AGBL4: variants seen among roughly 807,000 people sequenced by gnomAD.
AGBL4 encodes the protein AGBL carboxypeptidase 4.
AGBL4 carries 58 observed loss-of-function variants against 66.4 expected under a neutral mutation model. The ratio of observed to expected loss-of-function variants is 0.87; its 90% CI spans 0.71 to 1.09. The LOEUF (loss-of-function observed/expected upper bound fraction) is 1.09. Ranked by LOEUF, AGBL4 falls within the 50% of genes least tolerant of loss-of-function variation. AGBL4 has a pLI of 0.00. For synonymous variants in AGBL4, 234 were observed against 222.9 expected (o/e 1.05, Z -0.44); for missense variants, 579 against 631.0 (o/e 0.92, Z 0.88).
chr1:48,541,509 C>T (rs1453781146), intron 11 of AGBL4, among the ~76,000 whole-genome samples: 2 of 152,240 alleles, frequency 1.3e-5, no homozygotes, highest in Non-Finnish European at 1.5e-5. Context: ...CAGTGGCTCA[C>T]GCCTGTAATC....
At chr1:49,111,349 T>C (rs946256581) in intron 4 of AGBL4, among the ~76,000 whole-genome samples, 15 of 152,204 alleles carry the variant, frequency 9.9e-5, no homozygotes, top group Non-Finnish European at 2.9e-5. Flanking sequence ...CCTGACCTCC[T>C]GATCCGCCCG....
chr1:48,656,423 G>A (rs538063472), intron 7 of AGBL4, among the ~76,000 whole-genome samples: 1 of 152,152 alleles, frequency 6.6e-6, no homozygotes, highest in Admixed American at 6.5e-5. Context: ...ACATTCATTG[G>A]CACACCAAAT....
intron 5 of AGBL4, among the ~76,000 whole-genome samples, chr1:48,902,673 C>T (rs765972669): frequency 1.3e-5 from 2 of 152,116 alleles, no homozygotes; most frequent in Non-Finnish European, 2.9e-5. Context: ...TCCATATCCC[C>T]ATTATCACAT....
chr1:49,931,311 C>T (rs1429563622), intron 1 of AGBL4, among the ~76,000 whole-genome samples: 1 of 151,982 alleles, frequency 6.6e-6, no homozygotes, highest in Non-Finnish European at 1.5e-5. Context: ...TAAGATAGTG[C>T]ATTAGTCCAT....
At chr1:49,790,363 CA>C (rs11313463) in intron 2 of AGBL4, among the ~76,000 whole-genome samples, 52,613 of 98,914 alleles carry the variant, frequency 0.53, 11,004 homozygotes, top group Middle Eastern at 0.67. Flanking sequence ...GATTCTATCT[CA>C]AAAAAAAAAA....
chr1:49,739,796 C>T (rs1343245474), intron 2 of AGBL4, among the ~76,000 whole-genome samples: 1 of 152,182 alleles, frequency 6.6e-6, no homozygotes, highest in Non-Finnish European at 1.5e-5. Context: ...CATAACCAGC[C>T]AAACTAAGCT....
At chr1:48,793,409 G>A (rs753432684) in intron 6 of AGBL4, among the ~76,000 whole-genome samples, 1 of 152,074 alleles carries the variant, frequency 6.6e-6, no homozygotes, top group Non-Finnish European at 1.5e-5. Flanking sequence ...AATCACCTAA[G>A]AGACAGATGG....
At chr1:48,676,847 C>A (rs1371596608) in intron 6 of AGBL4, among the ~76,000 whole-genome samples, 2 of 152,206 alleles carry the variant, frequency 1.3e-5, no homozygotes, top group African/African-American at 4.8e-5. Flanking sequence ...TGACTGCCCC[C>A]ACCAAGATTC....
At chr1:49,575,313 T>A (rs1644414644) in intron 3 of AGBL4, among the ~76,000 whole-genome samples, 1 of 152,126 alleles carries the variant, frequency 6.6e-6, no homozygotes, top group African/African-American at 2.4e-5. Context: ...CCTGTGGTCA[T>A]TTCCCCAGTG....
intron 5 of AGBL4, among the ~76,000 whole-genome samples, chr1:48,893,466 G>A (rs1651172072): frequency 6.6e-6 from 1 of 151,842 alleles, no homozygotes; most frequent in African/African-American, 2.4e-5. Flanking sequence ...CAGATCACGA[G>A]GTCAGGAGAT....
At chr1:48,800,323 T>G (rs1490836370) in intron 6 of AGBL4, among the ~76,000 whole-genome samples, 1 of 152,196 alleles carries the variant, frequency 6.6e-6, no homozygotes, top group East Asian at 1.9e-4. Context: ...TCTTTGGTAT[T>G]TCTCTGATAT....
intron 1 of AGBL4, among the ~76,000 whole-genome samples, chr1:49,917,777 A>G (rs1027988944): frequency 2.0e-5 from 3 of 152,352 alleles, no homozygotes; most frequent in African/African-American, 7.2e-5. Context: ...TCAACAGAAT[A>G]TACATTCTTC....
intron 4 of AGBL4, among the ~76,000 whole-genome samples, chr1:49,123,626 G>A (rs1304589955): frequency 6.6e-6 from 1 of 152,134 alleles, no homozygotes; most frequent in Non-Finnish European, 1.5e-5. Flanking sequence ...TATTGCTAGG[G>A]TGTGTCTAAG....
chr1:49,402,842 C>G (rs1042054586), intron 3 of AGBL4, among the ~76,000 whole-genome samples: 1 of 152,178 alleles, frequency 6.6e-6, no homozygotes, highest in African/African-American at 2.4e-5. Context: ...GCTGGGATCA[C>G]AGGCATGAGC....
At position 48,719,677 on chromosome 1, in the gene AGBL4, A is replaced by G. The variant is rs529582803; in HGVS notation, c.635-56436T>C. Among the ~76,000 whole-genome samples, 6 of 152,250 alleles carry G rather than the reference A, an allele frequency of 3.9e-5. No homozygotes were observed. The South Asian group carries it at 1.2e-3, about 32-fold the overall frequency. ...TCCTATCCTCTTCCACCTCTTGCCT[A>G]TTGCTCACAATAATTATAAACACTT... On this transcript the variant is annotated intron_variant, in intron 6 of 13. Coordinates refer to ENST00000371839, the MANE Select transcript of AGBL4 (RefSeq NM_032785.4).
At chr1:49,268,138 T>A (rs1442318037) in intron 3 of AGBL4, 3 of 152,062 alleles carry the variant, frequency 2.0e-5, no homozygotes, top group Non-Finnish European at 4.4e-5. Context: ...ACCAGCCGAG[T>A]GGATGGCTTC....
intron 6 of AGBL4, among the ~76,000 whole-genome samples, chr1:48,733,497 A>G (rs1209525995): frequency 6.6e-6 from 1 of 152,208 alleles, no homozygotes; most frequent in Non-Finnish European, 1.5e-5. Context: ...ATATTTGGAA[A>G]AAGTAAAAAA....
chr1:49,553,082 A>G (rs1392066738), intron 3 of AGBL4, among the ~76,000 whole-genome samples: 3 of 152,218 alleles, frequency 2.0e-5, no homozygotes, highest in Non-Finnish European at 4.4e-5. Context: ...AGAGGAAAGA[A>G]AAAAATATAT....
At chr1:49,978,285 C>CA (rs546097558) in intron 1 of AGBL4, among the ~76,000 whole-genome samples, 20 of 151,012 alleles carry the variant, frequency 1.3e-4, no homozygotes, top group East Asian at 5.8e-4. Context: ...CCTGTCTTTA[C>CA]AAAAAAAAAT....
Sources: gnomAD v4.1 joint callset for allele counts (sites outside exome capture counted in the v4.1 genomes callset) on GRCh38, gnomAD v4.1.1 for gene constraint, MANE v1.5 for transcripts, NCBI Gene and HGNC (gene_info 2026-07-23, HGNC 2026-07-21) for gene names.